Variants in LRRC27 observed in about 807,000 individuals in gnomAD.
The protein encoded by LRRC27 is leucine-rich repeat-containing protein 27.
Under a neutral mutation model 55.0 loss-of-function variants are expected in LRRC27, and 57 were observed. The observed-to-expected ratio is 1.04, with a 90% CI of 0.84 to 1.29. The LOEUF (loss-of-function observed/expected upper bound fraction) is 1.29, where lower values mean the gene tolerates loss of function less well. Ranked by LOEUF, LRRC27 falls within the 50% of genes most tolerant of loss-of-function variation. The pLI is 0.00. For synonymous variants in LRRC27, 278 were observed against 251.9 expected, an observed-to-expected ratio of 1.10 and a Z score of -0.98; for missense variants, 721 against 651.5, an observed-to-expected ratio of 1.11 and a Z score of -1.16.
intron 3 of LRRC27, among the ~76,000 whole-genome samples, chr10:132,340,339 TAGTC>T (rs1174610800): frequency 6.6e-6 from 1 of 152,192 alleles, no homozygotes; most frequent in African/African-American, 2.4e-5. Context: ...TTCAGGTTAA[TAGTC>T]AGTAAACATG....
chr10:132,349,043 C>A (rs754351686), intron 6 of LRRC27: 1 of 1,607,716 alleles, frequency 6.2e-7, no homozygotes, highest in South Asian at 1.1e-5. Flanking sequence ...GGGCGTGCGC[C>A]TACACATATG....
At chr10:132,352,423 T>G (rs1283378806) in intron 7 of LRRC27, among the ~76,000 whole-genome samples, 27 of 106,966 alleles carry the variant, frequency 2.5e-4, no homozygotes, top group Admixed American at 6.2e-4. Context: ...GAGGCCTCCG[T>G]GTGGGGCAGG....
chr10:132,348,900 C>A lies in LRRC27; in HGVS notation c.926+544C>A. On this transcript the variant is annotated intron_variant, in intron 6 of 10. Transcript: ENST00000368614. The surrounding 1 kb of genome is among the most constrained non-coding windows in gnomAD (Gnocchi z 4.2). ...GTCATTGTGTGGCCCACTTCCAAAG[C>A]TTGCCTTTGCCTTTGGTACAGTGAG... 1.6e-6 allele frequency: 2 copies of A among 1,228,138 alleles called. No individual in the cohort carries two copies. Among genetic ancestry groups the A allele is most frequent in the African/African-American group, 1.5e-5 (1 of 66,858 alleles). The allele number at this position is 1,228,138 out of a possible 1,614,324, so 76.1% of individuals were successfully genotyped here. A position where few individuals can be genotyped will look rare whatever the true frequency, so the allele number is the denominator to read the frequency against.
chr10:132,340,162 C>T (rs555774371), intron 3 of LRRC27, among the ~76,000 whole-genome samples: 14 of 152,198 alleles, frequency 9.2e-5, no homozygotes, highest in Admixed American at 3.9e-4. Flanking sequence ...TCCAACTCAA[C>T]GTTTACGTTT....
rs527481597 is a variant in LRRC27 at position 132,367,853 on chromosome 10, T to C, written c.1416+2303T>C. On this transcript the variant is annotated intron_variant, in intron 10 of 10. Coordinates refer to ENST00000368614, the MANE Select transcript of LRRC27 (RefSeq NM_030626.3). ...GCTTTTCAGCCTCATGCTGGAACTC[T>C]TAGCTAGTTCAAGAAGACAAGAGAA... 3.3e-5 allele frequency among the ~76,000 whole-genome samples: 5 copies of C among 152,344 alleles called. No individual in the cohort carries two copies. In the East Asian group the frequency reaches 9.6e-4, roughly 29 times the overall value.
rs537511889 is a variant in LRRC27, at chr10:132,372,245, C to T, written c.1417-2821C>T. Reference sequence around the variant, plus strand: ...CGCCTGCAATCCCAGCTGAAAAGCACAGGAAGACAAAACCAACCACAGAAG... The same window carrying T: ...CGCCTGCAATCCCAGCTGAAAAGCATAGGAAGACAAAACCAACCACAGAAG... On this transcript the variant is annotated intron_variant, in intron 10 of 10. Coordinates refer to ENST00000368614, the MANE Select transcript of LRRC27 (RefSeq NM_030626.3). This position sits in a 1 kb window ranked among gnomAD's most constrained non-coding sequence, Gnocchi z 4.0. 8.0e-5 allele frequency among the ~76,000 whole-genome samples: 12 copies of T among 150,124 alleles called. No homozygotes were observed. The highest frequency in any genetic ancestry group is 4.2e-4 in the South Asian group (2 of 4,764).
intron 8 of LRRC27, among the ~76,000 whole-genome samples, chr10:132,361,138 C>G (rs1225946927): frequency 6.6e-6 from 1 of 152,194 alleles, no homozygotes; most frequent in East Asian, 1.9e-4. Context: ...CTGCAGCAAA[C>G]CTGGCGTGGG....
At chr10:132,352,110 CCG>C (rs2068055991) in intron 7 of LRRC27, among the ~76,000 whole-genome samples, 1 of 70,334 alleles carries the variant, frequency 1.4e-5, no homozygotes, top group African/African-American at 5.5e-5. Context: ...GCTGAGGCCT[CCG>C]TGTGGGGCAG....
At chr10:132,361,249 G>A (rs2474338) in intron 8 of LRRC27, among the ~76,000 whole-genome samples, 43,642 of 152,212 alleles carry the variant, frequency 0.29, 6,743 homozygotes, top group Middle Eastern at 0.36. Context: ...GGAGGCCCCA[G>A]AAAGATGTCC....
chr10:132,374,235 C>G lies in LRRC27; in HGVS notation c.1417-831C>G, dbSNP rs1370559516. 6.8e-6 allele frequency among the ~76,000 whole-genome samples: 1 copy of G among 147,794 alleles called. No individual in the cohort carries two copies. The highest frequency in any genetic ancestry group is 1.5e-5 in the Non-Finnish European group (1 of 66,960). On this transcript the variant is annotated intron_variant, in intron 10 of 10. Transcript: ENST00000368614. This position sits in a 1 kb window ranked among gnomAD's most constrained non-coding sequence, Gnocchi z 4.4. ...CTCCAGGGACCTGCTGTGATTATGTCTGTATGGGGCGGGGAGGCTGCAGGG... is the reference window on the plus strand; with the variant it reads ...CTCCAGGGACCTGCTGTGATTATGTGTGTATGGGGCGGGGAGGCTGCAGGG...
chr10:132,355,076 CTTGTT>C (rs994793020), intron 7 of LRRC27, among the ~76,000 whole-genome samples: 1 of 152,150 alleles, frequency 6.6e-6, no homozygotes, highest in Non-Finnish European at 1.5e-5. Context: ...CTGTTCTTGT[CTTGTT>C]TTGTTTTGTT....
intron 7 of LRRC27, chr10:132,353,289 T>G: frequency 8.2e-7 from 1 of 1,213,046 alleles, no homozygotes; most frequent in Non-Finnish European, 1.0e-6. Context: ...CCTTCCCTGG[T>G]CTGTCCTGTG....
At chr10:132,365,330 G>C in intron 9 of LRRC27, 94 bp from the exon 10 acceptor site, 4 of 1,540,628 alleles carry the variant, frequency 2.6e-6, no homozygotes, top group Non-Finnish European at 3.6e-6. Context: ...GGTCTGGGAA[G>C]AAAGGCACAT....
At chr10:132,359,238 A>G (rs185605659) in intron 8 of LRRC27, among the ~76,000 whole-genome samples, 20 of 152,206 alleles carry the variant, frequency 1.3e-4, no homozygotes, top group Admixed American at 1.3e-3. Context: ...CATCCTTCCA[A>G]GTTAAGAGCG....
Position 132,336,717 on chromosome 10 carries a change from A to G in LRRC27, c.211-848A>G, listed in dbSNP as rs770788901. ...TTGCTCAAGGTCACACAGCCAATAG[A>G]TTTTGAAACCTAGATGTGGATCCAG... On this transcript the variant is annotated intron_variant, in intron 2 of 10. Coordinates refer to ENST00000368614, the MANE Select transcript of LRRC27 (RefSeq NM_030626.3). The G allele has an allele frequency of 1.1e-5, 8 of 737,884 alleles. No homozygotes were observed. The South Asian group carries it at 1.2e-4, about 11-fold the overall frequency. 45.7% of individuals were successfully genotyped at this position (737,884 alleles called of 1,614,324 possible). A position where few individuals can be genotyped will look rare whatever the true frequency, so the allele number is the denominator to read the frequency against.
chr10:132,358,673 GAGC>G (rs1328782540), intron 8 of LRRC27, among the ~76,000 whole-genome samples: 5 of 85,912 alleles, frequency 5.8e-5, no homozygotes, highest in Non-Finnish European at 9.2e-5. Context: ...CGAGGTGGTG[GAGC>G]AGTGTGGGGA....
Position 132,333,743 on chromosome 10 carries a change from G to A in LRRC27, c.210+9G>A. 6.2e-7 allele frequency: 1 copy of A among 1,610,428 alleles called. No individual in the cohort carries two copies. Among genetic ancestry groups the A allele is most frequent in the Non-Finnish European group, 8.5e-7 (1 of 1,178,934 alleles). On this transcript the variant is annotated intron_variant, in intron 2 of 10. Transcript: ENST00000368614. ...GAATCCCCAGCCTTCAAGTAAGTGG[G>A]GCTGCTCCTCAGGCTGTGTGCCCAC... is the stretch of plus-strand genomic sequence containing the variant.
Position 132,348,130 on chromosome 10 carries a change from C to T in LRRC27, c.700C>T (p.Pro234Ser), listed in dbSNP as rs757154045. The T allele has an allele frequency of 4.0e-5, 65 of 1,613,952 alleles. No individual in the cohort carries two copies. Among genetic ancestry groups the T allele is most frequent in the East Asian group, 1.3e-4 (6 of 44,882 alleles). ...VMKEKASFLP[P>S]VEKPDLSELR... Reference sequence around the variant, plus strand: ...GAAAGAGAAGGCCAGCTTTCTCCCACCTGTGGAAAAGCCAGACCTGAGTGA... The same window carrying T: ...GAAAGAGAAGGCCAGCTTTCTCCCATCTGTGGAAAAGCCAGACCTGAGTGA... Residue 234 changes from proline (P) to serine (S), a missense_variant, in exon 6 of 11, where the codon CCT becomes TCT. Coordinates refer to ENST00000368614, the MANE Select transcript of LRRC27 (RefSeq NM_030626.3). This position sits in a 1 kb window ranked among gnomAD's most constrained non-coding sequence, Gnocchi z 4.2.
In LRRC27 at chr10:132,376,435, A is replaced by T. The variant is rs1360764370; in HGVS notation, c.*1193A>T. 1 of 152,268 alleles carries T rather than the reference A, an allele frequency of 6.6e-6. No homozygotes were observed. Among genetic ancestry groups the T allele is most frequent in the East Asian group, 1.9e-4 (1 of 5,204 alleles). The allele number at this position is 152,268 out of a possible 1,614,324, so 9.4% of individuals were successfully genotyped here. A position where few individuals can be genotyped will look rare whatever the true frequency, so the allele number is the denominator to read the frequency against. ...CAGGAAGCTAGAAAAGGTGTCAGTG[A>T]CCTGTTGCGGCCCAGCGGCTGGAGC... On this transcript the variant is annotated 3_prime_UTR_variant, in exon 11 of 11. Transcript: ENST00000368614.
Sources: gnomAD v4.1 joint callset for allele counts (sites outside exome capture counted in the v4.1 genomes callset) on GRCh38, gnomAD v4.1.1 for gene constraint, Gnocchi (gnomAD v3.1) non-coding constraint, MANE v1.5 for transcripts, NCBI Gene and HGNC (gene_info 2026-07-23, HGNC 2026-07-21) for gene names.